Variants in WSCD2 observed in about 807,000 individuals in gnomAD.
WSCD2 encodes sialate:O-sulfotransferase 2.
WSCD2 carries 28 observed loss-of-function variants against 55.7 expected under a neutral mutation model. That is an observed-to-expected ratio of 0.50 (90% CI 0.37 to 0.69). The LOEUF (loss-of-function observed/expected upper bound fraction) is 0.69, where lower values mean the gene tolerates loss of function less well. Ranked by LOEUF, WSCD2 falls within the 30% of genes least tolerant of loss-of-function variation. WSCD2 has a pLI of 0.00. For missense variants in WSCD2, 616 were observed against 762.1 expected, an observed-to-expected ratio of 0.81 and a Z score of 2.26; for synonymous variants, 301 against 301.9, an observed-to-expected ratio of 1.00 and a Z score of 0.03.
chr12:108,175,190 G>A (rs1260330922), intron 1 of WSCD2, among the ~76,000 whole-genome samples: 1 of 152,184 alleles, frequency 6.6e-6, no homozygotes, highest in Non-Finnish European at 1.5e-5. Flanking sequence ...CCAGCACACA[G>A]GGGGCAGGAA....
intron 1 of WSCD2, among the ~76,000 whole-genome samples, chr12:108,154,160 A>C (rs1459445632): frequency 6.6e-6 from 1 of 152,204 alleles, no homozygotes; most frequent in African/African-American, 2.4e-5. Context: ...ATTAGTTTCC[A>C]ATAGCTGCTG....
chr12:108,180,974 AAATGTC>A (rs1881653247), intron 1 of WSCD2, among the ~76,000 whole-genome samples: 1 of 152,230 alleles, frequency 6.6e-6, no homozygotes, highest in Admixed American at 6.5e-5. Flanking sequence ...GAGAGGCTGC[AAATGTC>A]ACCCAGGACA....
chr12:108,218,478 TC>T (rs1887105265), intron 4 of WSCD2, among the ~76,000 whole-genome samples: 1 of 152,126 alleles, frequency 6.6e-6, no homozygotes, highest in African/African-American at 2.4e-5. Context: ...CTGAAGCTCA[TC>T]TGGAGATGCA....
chr12:108,244,193 A>G (rs796622174), intron 8 of WSCD2, among the ~76,000 whole-genome samples: 78 of 152,362 alleles, frequency 5.1e-4, no homozygotes, highest in African/African-American at 1.7e-3. Flanking sequence ...ACTCATTACC[A>G]ATGTTCCATG....
At position 108,131,779 on chromosome 12, in the gene WSCD2, C is replaced by T. The variant is rs1410552234; in HGVS notation, c.-552+1853C>T. On this transcript the variant is annotated intron_variant, in intron 1 of 8. Coordinates refer to ENST00000547525, the MANE Select transcript of WSCD2 (RefSeq NM_014653.4). ...CTCATAAAATCTCTGCTGGACCAGC[C>T]ACTCCTAGTGGGGAGCCCAGGGTGG... 4 of 152,340 alleles carry T rather than the reference C, an allele frequency of 2.6e-5. No homozygotes were observed. In the East Asian group the frequency reaches 5.8e-4, roughly 22 times the overall value. The allele number at this position is 152,340 out of a possible 1,614,324, so 9.4% of individuals were successfully genotyped here. A position where few individuals can be genotyped will look rare whatever the true frequency, so the allele number is the denominator to read the frequency against.
chr12:108,171,941 G>A (rs984449747), intron 1 of WSCD2: 3 of 152,210 alleles, frequency 2.0e-5, no homozygotes, highest in African/African-American at 4.8e-5. Flanking sequence ...AAATATTATT[G>A]ATGAGGAATT....
Position 108,210,449 on chromosome 12 carries a change from C to G in WSCD2, c.682+144C>G, listed in dbSNP as rs749000017. 1 of 1,093,248 alleles carries G rather than the reference C, an allele frequency of 9.1e-7. No homozygotes were observed. Among genetic ancestry groups the G allele is most frequent in the Non-Finnish European group, 1.3e-6 (1 of 784,262 alleles). 67.7% of individuals were successfully genotyped at this position (1,093,248 alleles called of 1,614,324 possible). ...CCACCGTCCTGCCCCTGCCTCACCT[C>G]TCCCACTCCCTCACAGAGCCCTTTG... On this transcript the variant is annotated intron_variant, in intron 4 of 8. Transcript: ENST00000547525. The surrounding 1 kb of genome is among the most constrained non-coding windows in gnomAD (Gnocchi z 4.3).
chr12:108,220,539 A>AT (rs1053054252), intron 4 of WSCD2, among the ~76,000 whole-genome samples: 3 of 152,092 alleles, frequency 2.0e-5, no homozygotes, highest in South Asian at 2.1e-4. Flanking sequence ...CAATATTACG[A>AT]TTTTTTTAAA....
chr12:108,184,292 A>T (rs1202989901), intron 1 of WSCD2, among the ~76,000 whole-genome samples: 1 of 152,158 alleles, frequency 6.6e-6, no homozygotes, highest in Non-Finnish European at 1.5e-5. Flanking sequence ...GCTGGGGAGC[A>T]CAGAGACCAC....
intron 1 of WSCD2, among the ~76,000 whole-genome samples, chr12:108,149,513 A>T (rs377531005): frequency 2.6e-5 from 4 of 152,174 alleles, no homozygotes; most frequent in East Asian, 3.9e-4. Context: ...CATTCCTGTG[A>T]TGAAAGTCCT....
At chr12:108,141,025 T>C (rs569977449) in intron 1 of WSCD2, among the ~76,000 whole-genome samples, 145 of 152,328 alleles carry the variant, frequency 9.5e-4, no homozygotes, top group African/African-American at 3.3e-3. Flanking sequence ...CAAGACAATC[T>C]TTACATTCTT....
intron 4 of WSCD2, among the ~76,000 whole-genome samples, chr12:108,223,158 C>T (rs145988042): frequency 3.9e-5 from 6 of 152,338 alleles, no homozygotes; most frequent in African/African-American, 9.6e-5. Flanking sequence ...GGTCAACTAA[C>T]GGTAGATGTC....
intron 4 of WSCD2, among the ~76,000 whole-genome samples, chr12:108,221,364 G>A (rs1321932745): frequency 6.6e-6 from 1 of 152,110 alleles, no homozygotes; most frequent in African/African-American, 2.4e-5. Flanking sequence ...AGACCAGCCT[G>A]GCCAACAGGG....
intron 1 of WSCD2, among the ~76,000 whole-genome samples, chr12:108,132,096 G>A (rs1400683599): frequency 6.6e-6 from 1 of 151,992 alleles, no homozygotes; most frequent in East Asian, 1.9e-4. Context: ...ATGGGGGAAT[G>A]ATGAAATTGT....
At chr12:108,227,263 G>T in intron 6 of WSCD2, 99 bp downstream of exon 6, 1 of 1,421,502 alleles carries the variant, frequency 7.0e-7, no homozygotes, top group Admixed American at 2.3e-5. Flanking sequence ...CTGCAGCAAG[G>T]AGAAAACCAT....
At chr12:108,238,529 C>A (rs757323051) in intron 7 of WSCD2, among the ~76,000 whole-genome samples, 1 of 152,166 alleles carries the variant, frequency 6.6e-6, no homozygotes, top group Non-Finnish European at 1.5e-5. Flanking sequence ...TGATACGGGG[C>A]GACTTCTCAG....
At chr12:108,230,564 A>G (rs1303449120) in intron 6 of WSCD2, among the ~76,000 whole-genome samples, 2 of 152,198 alleles carry the variant, frequency 1.3e-5, no homozygotes, top group African/African-American at 2.4e-5. Flanking sequence ...TTTTTTTCCT[A>G]TGTCACCCAA....
rs143882606 is a variant in WSCD2 at position 108,202,313 on chromosome 12, G to A, written c.383-3976G>A. ...TGGAGCTCAGTCCATTAATCAGGCC[G>A]TGATGCATAACATGCCTGTGTTTTC... On this transcript the variant is annotated intron_variant, in intron 2 of 8. Transcript: ENST00000547525. Among the ~76,000 whole-genome samples, 299 of 152,298 alleles carry A rather than the reference G, an allele frequency of 2.0e-3. 1 individual carries two copies. The highest frequency in any genetic ancestry group is 6.2e-3 in the African/African-American group (259 of 41,582).
At chr12:108,190,792 G>C (rs1012653714) in intron 1 of WSCD2, among the ~76,000 whole-genome samples, 2 of 152,128 alleles carry the variant, frequency 1.3e-5, no homozygotes, top group East Asian at 1.9e-4. Context: ...GCCAGCCCTG[G>C]GGGGGAGGCA....
Sources: gnomAD v4.1 joint callset for allele counts (sites outside exome capture counted in the v4.1 genomes callset) on GRCh38, gnomAD v4.1.1 for gene constraint, Gnocchi (gnomAD v3.1) non-coding constraint, MANE v1.5 for transcripts, NCBI Gene and HGNC (gene_info 2026-07-23, HGNC 2026-07-21) for gene names.